Variants in EDARADD observed in about 807,000 individuals in gnomAD.
EDARADD encodes EDAR associated via death domain, also known as ectodysplasin-A receptor-associated adapter protein.
Under a neutral mutation model 25.6 loss-of-function variants are expected in EDARADD, and 20 were observed. The ratio of observed to expected loss-of-function variants is 0.78; its 90% CI spans 0.55 to 1.14. The LOEUF (loss-of-function observed/expected upper bound fraction) is 1.14, where lower values mean the gene tolerates loss of function less well. EDARADD is among the 50% of genes most tolerant of loss of function. The probability of loss-of-function intolerance (pLI) is 0.00; values close to 1 mark genes in which losing one functional copy is unlikely to be tolerated. For missense variants in EDARADD, 225 were observed against 270.1 expected (o/e 0.83, Z 1.17); for synonymous variants, 86 against 94.4 (o/e 0.91, Z 0.52).
chr1:236,474,116 A>T (rs1409634994), intron 5 of EDARADD, among the ~76,000 whole-genome samples: 1 of 152,202 alleles, frequency 6.6e-6, no homozygotes, highest in Non-Finnish European at 1.5e-5. Context: ...AAGTTGGAGC[A>T]CTGGGATTCG....
At position 236,361,879 on chromosome 1, in the gene EDARADD, C is replaced by A. The variant is rs12074570; in HGVS notation, c.-6+11040C>A. On this transcript the variant is annotated intron_variant, in intron 3 of 7. Transcript: ENST00000439430. ...ATACTTTTCTGAACATCCGTGTATA[C>A]GTTTTTGTATAATTATATGCTTTCT... is the stretch of plus-strand genomic sequence containing the variant. 6.2e-3 allele frequency among the ~76,000 whole-genome samples: 938 copies of A among 151,720 alleles called. 9 individuals are homozygous for A. The highest frequency in any genetic ancestry group is 0.021 in the African/African-American group (881 of 41,272).
chr1:236,408,424 G>C (rs942563998), intron 1 of EDARADD, among the ~76,000 whole-genome samples: 4 of 152,074 alleles, frequency 2.6e-5, no homozygotes, highest in African/African-American at 9.7e-5. Context: ...GGCTGATCTT[G>C]AACTCCTGAC....
At position 236,427,419 on chromosome 1, in the gene EDARADD, A is replaced by C; in HGVS notation, c.188A>C (p.Asn63Thr). The change falls in exon 4 of 6, where the codon AAC becomes ACC. Residue 63 changes from asparagine to threonine, a missense_variant. Asn to Thr is a moderately conservative substitution (Grantham distance 65, BLOSUM62 0). Transcript: ENST00000334232. ...GAAGAATGTGATACAATTACTTTGAACTGCCCACGAAATTCAGATATGAAA... is the reference window on the plus strand; with the variant it reads ...GAAGAATGTGATACAATTACTTTGACCTGCCCACGAAATTCAGATATGAAA... ...KAEECDTITL[N>T]CPRNSDMKNQ... The C allele has an allele frequency of 1.2e-6, 2 of 1,611,550 alleles. 1 individual carries two copies. Among genetic ancestry groups the C allele is most frequent in the South Asian group, 2.2e-5 (2 of 89,914 alleles).
chr1:236,471,501 T>A (rs886836072), intron 5 of EDARADD, among the ~76,000 whole-genome samples: 1 of 151,902 alleles, frequency 6.6e-6, no homozygotes, highest in Non-Finnish European at 1.5e-5. Flanking sequence ...TTATACCCCC[T>A]TAATAACCGT....
At chr1:236,439,718 A>G (rs1658352264) in intron 4 of EDARADD, among the ~76,000 whole-genome samples, 1 of 152,200 alleles carries the variant, frequency 6.6e-6, no homozygotes, top group Non-Finnish European at 1.5e-5. Context: ...TGTTGAGTTT[A>G]AAGAGGTTTT....
At chr1:236,357,238 G>A (rs1035177091) in intron 3 of EDARADD, among the ~76,000 whole-genome samples, 8 of 152,128 alleles carry the variant, frequency 5.3e-5, no homozygotes, top group African/African-American at 1.9e-4. Context: ...AAGTACAATG[G>A]TTATCTTAAA....
chr1:236,380,432 A>G (rs1175126790), intron 3 of EDARADD, among the ~76,000 whole-genome samples: 2 of 151,866 alleles, frequency 1.3e-5, no homozygotes, highest in Non-Finnish European at 2.9e-5. Flanking sequence ...TTAGGTGACT[A>G]AATGTTTGGA....
intron 3 of EDARADD, among the ~76,000 whole-genome samples, chr1:236,418,390 G>A (rs556447348): frequency 2.0e-4 from 31 of 151,808 alleles, no homozygotes; most frequent in African/African-American, 5.3e-4. Context: ...GACTACAGGC[G>A]ACCACCACCA....
chr1:236,419,821 T>C (rs1411140212), intron 3 of EDARADD, among the ~76,000 whole-genome samples: 2 of 152,234 alleles, frequency 1.3e-5, no homozygotes, highest in African/African-American at 4.8e-5. Flanking sequence ...GAATTGTGTG[T>C]GAGACAATGA....
Position 236,398,755 on chromosome 1 carries a change from G to A in EDARADD, c.61+4250G>A, listed in dbSNP as rs115463448. Among the ~76,000 whole-genome samples, 819 of 152,192 alleles carry A rather than the reference G, an allele frequency of 5.4e-3. 15 individuals carry two copies. The highest frequency in any genetic ancestry group is 0.019 in the African/African-American group (783 of 41,508). On this transcript the variant is annotated intron_variant, in intron 1 of 5. Transcript: ENST00000334232. This position sits in a 1 kb window ranked among gnomAD's most constrained non-coding sequence, Gnocchi z 4.1. ...CCAGATTTCAGCTCATAGGTCACCG[G>A]GATCCAGCCCGATGTTATACATGCT...
chr1:236,403,090 G>A (rs1667643297), intron 1 of EDARADD, among the ~76,000 whole-genome samples: 1 of 152,022 alleles, frequency 6.6e-6, no homozygotes, highest in Admixed American at 6.6e-5. Context: ...CCAGTAGCTG[G>A]GATTACAAGC....
chr1:236,474,366 G>A (rs1017702446), intron 5 of EDARADD, among the ~76,000 whole-genome samples: 43 of 152,032 alleles, frequency 2.8e-4, no homozygotes, highest in African/African-American at 1.0e-3. Flanking sequence ...ATAAATCCTC[G>A]GGGCTTTGGC....
Position 236,483,620 on chromosome 1 carries a change from C to T in EDARADD, c.*971C>T, listed in dbSNP as rs886046193. On this transcript the variant is annotated 3_prime_UTR_variant, in exon 6 of 6. Coordinates refer to ENST00000334232, the MANE Select transcript of EDARADD (RefSeq NM_145861.4). ...TCTTGCCAGTCCCGGTGTTCAATGT[C>T]ATCAATGGCAGTTCTCATGCTGTCA... 5.2e-6 allele frequency: 8 copies of T among 1,548,704 alleles called. No individual in the cohort carries two copies. Among genetic ancestry groups the T allele is most frequent in the Middle Eastern group, 1.8e-4 (1 of 5,424 alleles).
At chr1:236,464,685 G>A (rs533290268) in intron 4 of EDARADD, among the ~76,000 whole-genome samples, 8 of 151,754 alleles carry the variant, frequency 5.3e-5, no homozygotes, top group East Asian at 1.9e-4. Flanking sequence ...GGCCCGCCTC[G>A]GCCTCCCAAA....
At chr1:236,470,501 A>C (rs1250006217) in intron 5 of EDARADD, among the ~76,000 whole-genome samples, 2 of 152,244 alleles carry the variant, frequency 1.3e-5, no homozygotes, top group Non-Finnish European at 2.9e-5. Flanking sequence ...CTTCTGAATG[A>C]TAGTCATTAT....
At chr1:236,409,998 C>A (rs1657411330) in intron 2 of EDARADD, among the ~76,000 whole-genome samples, 1 of 152,144 alleles carries the variant, frequency 6.6e-6, no homozygotes, top group Non-Finnish European at 1.5e-5. Context: ...CCTCTCCCCA[C>A]CCTCCCGTAA....
chr1:236,454,032 ATCTTTTTCTTTT>A (rs147876984), intron 4 of EDARADD, among the ~76,000 whole-genome samples: 1 of 151,758 alleles, frequency 6.6e-6, no homozygotes, highest in East Asian at 1.9e-4. Flanking sequence ...CAGAGTTTGT[ATCTTTTTCTTTT>A]TCTTTTTCTT....
chr1:236,462,109 G>A (rs1265731006), intron 4 of EDARADD, among the ~76,000 whole-genome samples: 1 of 152,202 alleles, frequency 6.6e-6, no homozygotes, highest in Non-Finnish European at 1.5e-5. Context: ...CGTGCCAAGA[G>A]TGGATTGGTT....
chr1:236,355,454 CTTA>C (rs1666962150), intron 3 of EDARADD, among the ~76,000 whole-genome samples: 6 of 145,456 alleles, frequency 4.1e-5, no homozygotes. Flanking sequence ...ATGCTCTGTG[CTTA>C]TTCTTACATT....
Sources: gnomAD v4.1 joint callset for allele counts (sites outside exome capture counted in the v4.1 genomes callset) on GRCh38, gnomAD v4.1.1 for gene constraint, Gnocchi (gnomAD v3.1) non-coding constraint, MANE v1.5 for transcripts, NCBI Gene and HGNC (gene_info 2026-07-23, HGNC 2026-07-21) for gene names.